DDX60L: variants seen among roughly 807,000 people sequenced by gnomAD.
The protein encoded by DDX60L is probable ATP-dependent RNA helicase DDX60-like.
DDX60L carries 191 observed loss-of-function variants against 211.6 expected under a neutral mutation model. The ratio of observed to expected loss-of-function variants is 0.90; its 90% CI spans 0.80 to 1.02. The LOEUF is 1.02. Ranked by LOEUF, DDX60L falls within the 50% of genes least tolerant of loss-of-function variation. The probability of loss-of-function intolerance (pLI) is 0.00; values close to 1 mark genes in which losing one functional copy is unlikely to be tolerated. For synonymous variants in DDX60L, 706 were observed against 694.1 expected, an observed-to-expected ratio of 1.02 and a Z score of -0.27; for missense variants, 2,007 against 1,984.1, an observed-to-expected ratio of 1.01 and a Z score of -0.22.
chr4:168,464,279 TC>T, intron 4 of DDX60L, among the ~76,000 whole-genome samples: 1 of 152,188 alleles, frequency 6.6e-6, no homozygotes, highest in African/African-American at 2.4e-5. Flanking sequence ...TCAAAACAAG[TC>T]CCAATAGATG....
chr4:168,466,722 A>T (rs1002898209), intron 4 of DDX60L, among the ~76,000 whole-genome samples: 2 of 152,184 alleles, frequency 1.3e-5, no homozygotes, highest in Non-Finnish European at 2.9e-5. Flanking sequence ...TTGCTGTATT[A>T]GTCAGGATTT....
At chr4:168,365,755 A>G (rs1252727891) in intron 36 of DDX60L, among the ~76,000 whole-genome samples, 1 of 152,168 alleles carries the variant, frequency 6.6e-6, no homozygotes, top group African/African-American at 2.4e-5. Context: ...TCTCTGATAA[A>G]CACAAATCCA....
Position 168,423,588 on chromosome 4 carries a change from A to T in DDX60L, c.2097+20T>A. On this transcript the variant is annotated intron_variant, in intron 15 of 37. Coordinates refer to ENST00000682922, the MANE Select transcript of DDX60L (RefSeq NM_001012967.3). ...AAATTGAGTAAAAATTTAAAGTATA[A>T]GAAATTCTAGTTCTCTTACCAGAGT... 1.4e-6 allele frequency: 2 copies of T among 1,408,094 alleles called. No homozygotes were observed. Among genetic ancestry groups the T allele is most frequent in the African/African-American group, 1.8e-5 (1 of 55,678 alleles). The allele number at this position is 1,408,094 out of a possible 1,614,324, so 87.2% of individuals were successfully genotyped here. A position where few individuals can be genotyped will look rare whatever the true frequency, so the allele number is the denominator to read the frequency against.
At chr4:168,474,816 T>C (rs1420324834) in intron 1 of DDX60L, among the ~76,000 whole-genome samples, 1 of 152,016 alleles carries the variant, frequency 6.6e-6, no homozygotes, top group Non-Finnish European at 1.5e-5. Flanking sequence ...GAACGAGTGG[T>C]GAAAATAATT....
intron 7 of DDX60L, 87 bp downstream of exon 7, chr4:168,455,952 G>A: frequency 3.3e-6 from 3 of 898,062 alleles, no homozygotes; most frequent in East Asian, 3.1e-5. Context: ...GTCCACAGTG[G>A]AGAACCTGAT....
chr4:168,362,459 G>A (rs563754286), intron 36 of DDX60L, among the ~76,000 whole-genome samples: 1 of 152,294 alleles, frequency 6.6e-6, no homozygotes, highest in East Asian at 1.9e-4. Flanking sequence ...TGCACCCACA[G>A]ATACCCAGCT....
chr4:168,405,277 G>C (rs963291969), intron 24 of DDX60L, among the ~76,000 whole-genome samples: 6 of 151,948 alleles, frequency 3.9e-5, no homozygotes, highest in African/African-American at 1.5e-4. Flanking sequence ...CAAAGTGCTG[G>C]GATTATAGGT....
chr4:168,472,548 G>A (rs1758937330), intron 2 of DDX60L, 24 bp from the exon 3 acceptor site: 1 of 1,576,338 alleles, frequency 6.3e-7, no homozygotes, highest in East Asian at 2.3e-5. Context: ...GATTTTTTGA[G>A]CCATCAATAT....
chr4:168,384,023 A>C (rs573771430), intron 30 of DDX60L, among the ~76,000 whole-genome samples: 15 of 152,102 alleles, frequency 9.9e-5, no homozygotes, highest in Non-Finnish European at 2.2e-4. Context: ...AAAAGGCTAG[A>C]CTGACTTAGT....
rs1408271202 is a variant in DDX60L at position 168,437,195 on chromosome 4, C to T, written c.1295-4080G>A. ...TAATTCGCACTATCTGTGAATGTGA[C>T]CTTATTTTGAAATAGGGTCTTTGCA... On this transcript the variant is annotated intron_variant, in intron 10 of 37. Transcript: ENST00000682922. Among the ~76,000 whole-genome samples, 4 of 152,098 alleles carry T rather than the reference C, an allele frequency of 2.6e-5. 1 individual carries two copies. Among genetic ancestry groups the T allele is most frequent in the Non-Finnish European group, 5.9e-5 (4 of 68,026 alleles).
intron 2 of DDX60L, 58 bp from the exon 3 acceptor site, chr4:168,472,582 T>C (rs1758943745): frequency 6.4e-7 from 1 of 1,559,170 alleles, no homozygotes; most frequent in Admixed American, 1.7e-5. Flanking sequence ...TATAATTTAG[T>C]AATTATTAAG....
At chr4:168,368,146 G>A (rs1740309215) in intron 36 of DDX60L, among the ~76,000 whole-genome samples, 1 of 152,224 alleles carries the variant, frequency 6.6e-6, no homozygotes, top group East Asian at 1.9e-4. Flanking sequence ...ATGTGGCAGA[G>A]GTCTTCATGG....
chr4:168,358,449 A>C (rs1406130022), intron 37 of DDX60L, among the ~76,000 whole-genome samples, 173 bp from the exon 38 acceptor site: 2 of 152,084 alleles, frequency 1.3e-5, no homozygotes, highest in African/African-American at 2.4e-5. Context: ...AATCTTTACA[A>C]CATACATCAT....
chr4:168,461,409 T>A (rs955827805), intron 5 of DDX60L, among the ~76,000 whole-genome samples: 1 of 152,180 alleles, frequency 6.6e-6, no homozygotes, highest in Admixed American at 6.5e-5. Flanking sequence ...CTCTAAATAT[T>A]CTTTTACAGA....
At chr4:168,433,661 C>T (rs1330729579) in intron 10 of DDX60L, among the ~76,000 whole-genome samples, 1 of 152,104 alleles carries the variant, frequency 6.6e-6, no homozygotes, top group Non-Finnish European at 1.5e-5. Context: ...GTGTTCAAAA[C>T]TGTAGATGAA....
chr4:168,439,857 C>G (rs1391520833), intron 10 of DDX60L, among the ~76,000 whole-genome samples: 1 of 152,056 alleles, frequency 6.6e-6, no homozygotes, highest in African/African-American at 2.4e-5. Flanking sequence ...AGAAATAACC[C>G]CTCTCTCACA....
At chr4:168,479,349 T>A (rs545961359) in intron 1 of DDX60L, among the ~76,000 whole-genome samples, 1 of 152,284 alleles carries the variant, frequency 6.6e-6, no homozygotes, top group Admixed American at 6.5e-5. Flanking sequence ...AAACTGCAAA[T>A]CTTAGATTGA....
rs762564858 is a variant in DDX60L, at chr4:168,391,655, A to G, written c.3811-11T>C. ...AGTAGCTGTCACTACCTAGGAAAAA[A>G]AAAAAAAAACAGTCAATACACAATA... On this transcript the variant is annotated splice_polypyrimidine_tract_variant and intron_variant, in intron 28 of 37. Coordinates refer to ENST00000682922, the MANE Select transcript of DDX60L (RefSeq NM_001012967.3). 7 of 1,472,788 alleles carry G rather than the reference A, an allele frequency of 4.8e-6. No individual in the cohort carries two copies. The highest frequency in any genetic ancestry group is 1.8e-4 in the Middle Eastern group (1 of 5,642). 91.2% of individuals were successfully genotyped at this position (1,472,788 alleles called of 1,614,324 possible). A position where few individuals can be genotyped will look rare whatever the true frequency, so the allele number is the denominator to read the frequency against.
chr4:168,420,505 C>T, intron 17 of DDX60L, 125 bp from the exon 18 acceptor site: 1 of 706,980 alleles, frequency 1.4e-6, no homozygotes, highest in South Asian at 2.0e-5. Context: ...CACACACACA[C>T]TTCAATGAAA....
Sources: allele counts gnomAD v4.1 joint callset (sites outside exome capture counted in the v4.1 genomes callset), GRCh38; gene constraint gnomAD v4.1.1; transcripts MANE v1.5; gene names NCBI Gene and HGNC (gene_info 2026-07-23, HGNC 2026-07-21).